Variants in ANKRD17 observed in about 807,000 individuals in gnomAD.
The protein encoded by ANKRD17 is ankyrin repeat domain-containing protein 17.
In ANKRD17, 19 loss-of-function variants were observed where a neutral mutation model predicts 229.7. The observed-to-expected ratio is 0.08, with a 90% CI of 0.06 to 0.12. The LOEUF is 0.12. Among genes scored for constraint, ANKRD17 ranks in the 10% least tolerant of loss-of-function variants. The pLI is 1.00. For missense variants in ANKRD17, 2,176 were observed against 3,176.8 expected (o/e 0.68, Z 7.57); for synonymous variants, 1,112 against 1,146.1 (o/e 0.97, Z 0.60).
intron 1 of ANKRD17, among the ~76,000 whole-genome samples, chr4:73,211,126 T>C (rs1236465531): frequency 6.6e-6 from 1 of 152,064 alleles, no homozygotes; most frequent in East Asian, 1.9e-4. Flanking sequence ...GTCAAGCACA[T>C]AATACAGACC....
At chr4:73,113,676 T>G (rs1725596286) in intron 24 of ANKRD17, 116 bp downstream of exon 24, 3 of 842,830 alleles carry the variant, frequency 3.6e-6, no homozygotes. Flanking sequence ...TAGAAAGAAA[T>G]CATGTACGTA....
intron 15 of ANKRD17, among the ~76,000 whole-genome samples, chr4:73,139,294 A>G (rs1168707263): frequency 1.3e-5 from 2 of 152,214 alleles, no homozygotes; most frequent in Non-Finnish European, 2.9e-5. Flanking sequence ...AAAAACCTAG[A>G]TTCTCAAGCT....
intron 1 of ANKRD17, among the ~76,000 whole-genome samples, chr4:73,204,343 AAAGT>A (rs1215437630): frequency 6.7e-6 from 1 of 148,228 alleles, no homozygotes; most frequent in African/African-American, 2.5e-5. Flanking sequence ...CCTGGGCGAC[AAAGT>A]GAGACTCCGT....
intron 1 of ANKRD17, among the ~76,000 whole-genome samples, chr4:73,204,315 C>T (rs1422575753): frequency 7.6e-6 from 1 of 131,380 alleles, no homozygotes; most frequent in African/African-American, 2.9e-5. Flanking sequence ...GAGCCGAGAT[C>T]ACGTCATTGC....
At chr4:73,082,049 C>T (rs2110103488) in intron 30 of ANKRD17, among the ~76,000 whole-genome samples, 1 of 151,700 alleles carries the variant, frequency 6.6e-6, no homozygotes, top group East Asian at 1.9e-4. Flanking sequence ...ACTTGAGAAG[C>T]TGAGGCAGGA....
chr4:73,250,162 T>C (rs960465089), intron 1 of ANKRD17, among the ~76,000 whole-genome samples: 1 of 152,186 alleles, frequency 6.6e-6, no homozygotes, highest in Non-Finnish European at 1.5e-5. Flanking sequence ...TTTCAGATCA[T>C]TTACTCAAAA....
At chr4:73,231,285 C>A (rs72861880) in intron 1 of ANKRD17, among the ~76,000 whole-genome samples, 61 of 152,250 alleles carry the variant, frequency 4.0e-4, no homozygotes, top group African/African-American at 1.4e-3. Context: ...CCAAGTAACT[C>A]AAGATAGCAT....
intron 1 of ANKRD17, among the ~76,000 whole-genome samples, chr4:73,203,776 A>AAAAG (rs1560716643): frequency 2.0e-5 from 3 of 151,036 alleles, no homozygotes; most frequent in Non-Finnish European, 4.4e-5. Context: ...AAAAAAAAAA[A>AAAAG]AAAGAAAAAG....
intron 23 of ANKRD17, among the ~76,000 whole-genome samples, chr4:73,115,015 T>C (rs1194342642): frequency 6.6e-6 from 1 of 152,206 alleles, no homozygotes; most frequent in Non-Finnish European, 1.5e-5. Flanking sequence ...TTGCATTTCC[T>C]GCAAAATTCC....
chr4:73,097,311 A>G (rs1458273020), intron 26 of ANKRD17, 39 bp from the exon 27 acceptor site: 31 of 1,491,102 alleles, frequency 2.1e-5, no homozygotes, highest in Non-Finnish European at 2.8e-5. Context: ...AATATGGAAC[A>G]GATGTAGAAT....
At chr4:73,217,530 T>C (rs769086633) in intron 1 of ANKRD17, among the ~76,000 whole-genome samples, 1 of 152,124 alleles carries the variant, frequency 6.6e-6, no homozygotes, top group Non-Finnish European at 1.5e-5. Context: ...TTTTTTTTAA[T>C]TTTTACTTTT....
intron 24 of ANKRD17, among the ~76,000 whole-genome samples, chr4:73,106,870 TC>T (rs2148630637): frequency 1.1e-5 from 1 of 92,780 alleles, no homozygotes; most frequent in South Asian, 4.8e-4. Context: ...GGAGTGAGAC[TC>T]CGTCTTTAAA....
At chr4:73,079,836 C>T (rs542306715) in intron 30 of ANKRD17, among the ~76,000 whole-genome samples, 7 of 152,166 alleles carry the variant, frequency 4.6e-5, no homozygotes, top group African/African-American at 1.7e-4. Context: ...AAATATTGGC[C>T]GGGCGCGGTG....
intron 2 of ANKRD17, among the ~76,000 whole-genome samples, chr4:73,176,871 A>G (rs1029887773): frequency 8.5e-5 from 13 of 152,194 alleles, no homozygotes; most frequent in African/African-American, 2.9e-4. Context: ...TTAAAAATTA[A>G]AAAATTAACA....
chr4:73,082,638 C>A (rs1384333467), intron 30 of ANKRD17, among the ~76,000 whole-genome samples: 4 of 152,100 alleles, frequency 2.6e-5, no homozygotes, highest in African/African-American at 9.7e-5. Context: ...ATTAAACATA[C>A]CCTGAATTTA....
intron 22 of ANKRD17, 32 bp downstream of exon 22, chr4:73,118,655 AC>A (rs747456151): frequency 6.2e-7 from 1 of 1,610,804 alleles, no homozygotes; most frequent in Admixed American, 1.7e-5. Flanking sequence ...AAGTAAAAAA[AC>A]ATCCAGGTAA....
At chr4:73,169,054 T>A (rs1733626316) in intron 2 of ANKRD17, 1 of 152,200 alleles carries the variant, frequency 6.6e-6, no homozygotes, top group South Asian at 2.1e-4. Context: ...CTGCGTTAAT[T>A]CACTTAGGAT....
At chr4:73,077,558 C>T in intron 31 of ANKRD17, 25 bp from the exon 32 acceptor site, 1 of 1,523,676 alleles carries the variant, frequency 6.6e-7, no homozygotes, top group East Asian at 2.4e-5. Flanking sequence ...AGAGGCAAAA[C>T]AAAAATAGAT....
chr4:73,193,962 T>C (rs1737496476), intron 1 of ANKRD17, among the ~76,000 whole-genome samples: 1 of 152,132 alleles, frequency 6.6e-6, no homozygotes, highest in African/African-American at 2.4e-5. Flanking sequence ...CATCTTTTTA[T>C]TGGGTTTTCT....
Sources: allele counts gnomAD v4.1 joint callset (sites outside exome capture counted in the v4.1 genomes callset), GRCh38; gene constraint gnomAD v4.1.1; transcripts MANE v1.5; gene names NCBI Gene and HGNC (gene_info 2026-07-23, HGNC 2026-07-21).